The following KRT2 variants were observed in gnomAD, a reference collection of about 807,000 sequenced individuals.
KRT2 encodes keratin 2, also known as keratin, type II cytoskeletal 2 epidermal.
A neutral mutation model predicts 48.5 loss-of-function variants in KRT2; 37 were observed. The observed-to-expected ratio is 0.76, with a 90% CI of 0.59 to 1.00. The LOEUF (loss-of-function observed/expected upper bound fraction) is 1.00. KRT2 is among the 50% of genes least tolerant of loss of function. The probability of loss-of-function intolerance (pLI) is 0.00; values close to 1 mark genes in which losing one functional copy is unlikely to be tolerated. For synonymous variants in KRT2, 324 were observed against 312.2 expected, an observed-to-expected ratio of 1.04 and a Z score of -0.40; for missense variants, 880 against 815.2, an observed-to-expected ratio of 1.08 and a Z score of -0.97.
Position 52,651,704 on chromosome 12 carries a change from G to A in KRT2, c.439C>T (p.Pro147Ser). 6.2e-7 allele frequency: 1 copy of A among 1,613,940 alleles called. No individual in the cohort carries two copies. The highest frequency in any genetic ancestry group is 8.5e-7 in the Non-Finnish European group (1 of 1,179,980). Residue 147 changes from proline (P) to serine (S), a missense_variant, in exon 1 of 9, where the codon CCT becomes TCT. Coordinates refer to ENST00000309680, the MANE Select transcript of KRT2 (RefSeq NM_000423.3). ...GPGGFGPGGY[P>S]GGIHEVSVNQ... ...ACAGAGACTTCGTGGATGCCACCAG[G>A]GTATCCTCCAGGCCCAAAGCCACCA...
At chr12:52,648,062 C>A in intron 5 of KRT2, 111 bp downstream of exon 5, 1 of 1,337,186 alleles carries the variant, frequency 7.5e-7, no homozygotes, top group East Asian at 2.3e-5. Flanking sequence ...GGAATGGTGC[C>A]CAACTACCAT....
intron 6 of KRT2, 32 bp downstream of exon 6, chr12:52,647,698 C>T: frequency 6.2e-7 from 1 of 1,611,990 alleles, no homozygotes; most frequent in South Asian, 1.1e-5. Flanking sequence ...GAGACAACCT[C>T]CCGCCCCTCG....
intron 3 of KRT2, 138 bp from the exon 4 acceptor site, chr12:52,649,240 G>A (rs890571580): frequency 2.9e-6 from 2 of 696,134 alleles, no homozygotes; most frequent in East Asian, 2.7e-5. Flanking sequence ...GTCCCCATGG[G>A]ACTTCTTTTG....
At position 52,645,254 on chromosome 12, in the gene KRT2, C is replaced by T; in HGVS notation, c.1685G>A (p.Gly562Glu). The change falls in exon 9 of 9, where the codon GGA becomes GAA. Residue 562 changes from glycine to glutamate, a missense_variant. Gly to Glu is a moderately conservative substitution (Grantham distance 98, BLOSUM62 -2). Coordinates refer to ENST00000309680, the MANE Select transcript of KRT2 (RefSeq NM_000423.3). ...TCCAGAACCACCGCCAGAGCCATAT[C>T]CTCCTCCAGAGATAGAACCTCCTCC... The part of the protein sequence containing the change: ...SGGGGSISGG[G>E]YGSGGGSGGR... The T allele has an allele frequency of 6.2e-7, 1 of 1,614,146 alleles. No individual in the cohort carries two copies. Among genetic ancestry groups the T allele is most frequent in the South Asian group, 1.1e-5 (1 of 91,070 alleles).
chr12:52,648,398 C>T (rs757656561), intron 4 of KRT2, 61 bp from the exon 5 acceptor site: 223 of 1,403,922 alleles, frequency 1.6e-4, no homozygotes, highest in Non-Finnish European at 2.1e-4. Context: ...AGACAGGAGG[C>T]CTCTGTCTCC....
In KRT2 at chr12:52,651,859, C is replaced by A. The variant is rs1480771450; in HGVS notation, c.284G>T (p.Gly95Val). ...TCCAAAGCTGCTGCCGCCTCCAAAA[C>A]CACCTCCTCTGCCACCAAATCCACC... Reference protein sequence around the residue: ...AAGGFGGRGGGFGGGSSFGGG... With the variant: ...AAGGFGGRGGVFGGGSSFGGG... The change falls in exon 1 of 9, where the codon GGT becomes GTT. Residue 95 changes from glycine to valine, a missense_variant. Physicochemically the swap from Gly to Val is moderately radical, Grantham distance 109. Coordinates refer to ENST00000309680, the MANE Select transcript of KRT2 (RefSeq NM_000423.3). The A allele has an allele frequency of 1.9e-6, 3 of 1,605,436 alleles. No individual in the cohort carries two copies. The highest frequency in any genetic ancestry group is 2.6e-6 in the Non-Finnish European group (3 of 1,175,110).
Position 52,645,447 on chromosome 12 carries a change from G to A in KRT2, c.1505-13C>T, listed in dbSNP as rs1941149813. The A allele has an allele frequency of 6.2e-7, 1 of 1,613,526 alleles. No individual in the cohort carries two copies. The highest frequency in any genetic ancestry group is 8.5e-7 in the Non-Finnish European group (1 of 1,179,456). Reference sequence around the variant, plus strand: ...CTGCTTGTCACAGCTGCAGAGAGAGGTGGTGTTACCACAGAGATTATGACT... The same window carrying A: ...CTGCTTGTCACAGCTGCAGAGAGAGATGGTGTTACCACAGAGATTATGACT... On this transcript the variant is annotated splice_polypyrimidine_tract_variant and intron_variant, in intron 8 of 8. Coordinates refer to ENST00000309680, the MANE Select transcript of KRT2 (RefSeq NM_000423.3).
Position 52,649,914 on chromosome 12 carries a change from C to G in KRT2, c.861G>C (p.Lys287Asn). ...AAENDFVTLK[K>N]DVDNAYMIKV... ...CCAGCCAAGACATTCTCTCGCTCAC[C>G]TTTTTAAGCGTCACAAAATCATTCT... Residue 287 changes from lysine to asparagine, a missense_variant and splice_region_variant, in exon 3 of 9, where the codon AAG becomes AAC. Transcript: ENST00000309680. The G allele has an allele frequency of 6.2e-7, 1 of 1,612,858 alleles. No homozygotes were observed. Among genetic ancestry groups the G allele is most frequent in the South Asian group, 1.1e-5 (1 of 91,044 alleles).
rs1592254695 is a variant in KRT2, at chr12:52,645,107, C to T, written c.1832G>A (p.Gly611Glu). 6.2e-7 allele frequency: 1 copy of T among 1,613,928 alleles called. No individual in the cohort carries two copies. ...GSRGGSSSGG[G>E]YGSGGGGSSS... is the part of the protein sequence containing the mutation. ...AGAACCCCCACCTCCAGAGCCATAT[C>T]CTCCTCCAGAGCTGGAGCCTCCTCT... Residue 611 changes from glycine to glutamate, a missense_variant, in exon 9 of 9, where the codon GGA becomes GAA. Transcript: ENST00000309680.
In KRT2 at chr12:52,652,074, G is replaced by A; in HGVS notation, c.69C>T (p.Ser23=). Reference sequence around the variant, plus strand: ...CACCAGACACCACAGCTGAGCCGCTGCTGAAGCCCCGGAATCCTCCTCCAC... The same window carrying A: ...CACCAGACACCACAGCTGAGCCGCTACTGAAGCCCCGGAATCCTCCTCCAC... ...GGGGGGFRGF[S]SGSAVVSGGS... Residue 23 remains serine (S), a synonymous_variant, in exon 1 of 9, where the codon AGC becomes AGT. Transcript: ENST00000309680. The A allele has an allele frequency of 6.2e-7, 1 of 1,600,080 alleles. No individual in the cohort carries two copies. The highest frequency in any genetic ancestry group is 1.1e-5 in the South Asian group (1 of 90,554).
chr12:52,649,234 C>A, intron 3 of KRT2, 132 bp from the exon 4 acceptor site: 1 of 704,468 alleles, frequency 1.4e-6, no homozygotes, highest in Non-Finnish European at 2.6e-6. Flanking sequence ...ATCCCTGTCC[C>A]CATGGGACTT....
At chr12:52,650,629 G>T in intron 1 of KRT2, 76 bp from the exon 2 acceptor site, 2 of 1,210,836 alleles carry the variant, frequency 1.7e-6, no homozygotes, top group Non-Finnish European at 2.5e-6. Flanking sequence ...GCCAGGGGCA[G>T]CTCAGGTGCT....
Position 52,649,974 on chromosome 12 carries a change from C to T in KRT2, c.801G>A (p.Lys267=). The part of the protein sequence containing the change: ...MQDLVEDYKK[K]YEDEINKRTA... Reference sequence around the variant, plus strand: ...TGCGCTTATTGATTTCATCCTCATACCTATTGGGACACAGATGTTACAGCA... The same window carrying T: ...TGCGCTTATTGATTTCATCCTCATATCTATTGGGACACAGATGTTACAGCA... The change falls in exon 3 of 9, where the codon AAG becomes AAA. Residue 267 remains lysine (K), a splice_region_variant and synonymous_variant. Coordinates refer to ENST00000309680, the MANE Select transcript of KRT2 (RefSeq NM_000423.3). The T allele has an allele frequency of 1.9e-6, 3 of 1,607,720 alleles. No homozygotes were observed. Among genetic ancestry groups the T allele is most frequent in the South Asian group, 1.1e-5 (1 of 90,928 alleles).
chr12:52,645,342 T>G lies in KRT2; in HGVS notation c.1597A>C (p.Ser533Arg). 1 of 1,614,198 alleles carries G rather than the reference T, an allele frequency of 6.2e-7. No individual in the cohort carries two copies. The highest frequency in any genetic ancestry group is 2.2e-5 in the East Asian group (1 of 44,880). The change falls in exon 9 of 9, where the codon AGC (serine) becomes CGC (arginine). Residue 533 changes from serine (S) to arginine (R), a missense_variant. Coordinates refer to ENST00000309680, the MANE Select transcript of KRT2 (RefSeq NM_000423.3). ...GRGSSSGGGY[S>R]SGSSSYGSGG... ...GAGCCATAACTGCTGCTTCCAGAGC[T>G]GTATCCTCCTCCGGAACTGGACCCT...
At chr12:52,648,914 C>T in intron 4 of KRT2, 93 bp downstream of exon 4, 1 of 847,656 alleles carries the variant, frequency 1.2e-6, no homozygotes, top group Admixed American at 1.8e-5. Context: ...GGTCCATAAA[C>T]CCCACTTCTG....
rs1941248464 is a variant in KRT2, at chr12:52,651,606, A to T, written c.537T>A (p.Arg179=). ...PEIQNVKAQE[R]EQIKTLNNKF... ...TGTTGTTGAGAGTTTTGATCTGCTC[A>T]CGCTCTTGGGCCTTCACATTCTGGA... The change falls in exon 1 of 9, where the codon CGT becomes CGA. Residue 179 remains arginine (R), a synonymous_variant. Coordinates refer to ENST00000309680, the MANE Select transcript of KRT2 (RefSeq NM_000423.3). 6.2e-7 allele frequency: 1 copy of T among 1,614,060 alleles called. No homozygotes were observed. The highest frequency in any genetic ancestry group is 1.1e-5 in the South Asian group (1 of 91,088).
intron 1 of KRT2, 99 bp from the exon 2 acceptor site, chr12:52,650,652 C>G: frequency 3.2e-6 from 3 of 933,352 alleles, no homozygotes; most frequent in Non-Finnish European, 5.3e-6. Flanking sequence ...TTCAGGACCT[C>G]GAGAAGTGTC....
Position 52,651,891 on chromosome 12 carries a change from G to T in KRT2, c.252C>A (p.Gly84=), listed in dbSNP as rs770920114. The change falls in exon 1 of 9, where the codon GGC becomes GGA. Residue 84 remains glycine (G), a synonymous_variant. Coordinates refer to ENST00000309680, the MANE Select transcript of KRT2 (RefSeq NM_000423.3). ...ISVAGGGGGF[G]AAGGFGGRGG... ...CTCTGCCACCAAATCCACCAGCGGC[G>T]CCAAAGCCACCACCTCCTCCAGCCA... 6.2e-7 allele frequency: 1 copy of T among 1,603,856 alleles called. No homozygotes were observed.
intron 5 of KRT2, 97 bp from the exon 6 acceptor site, chr12:52,647,952 G>A: frequency 6.6e-7 from 1 of 1,518,662 alleles, no homozygotes. Flanking sequence ...CTGGTCCAGG[G>A]AGGGTCAACC....
Sources: gnomAD v4.1 joint callset for allele counts on GRCh38, gnomAD v4.1.1 for gene constraint, MANE v1.5 for transcripts, NCBI Gene and HGNC (gene_info 2026-07-23, HGNC 2026-07-21) for gene names.